The following ATL2 variants were observed in gnomAD, a reference collection of about 807,000 sequenced individuals.
ATL2 encodes atlastin-2.
ATL2 carries 31 observed loss-of-function variants against 73.9 expected under a neutral mutation model. The ratio of observed to expected loss-of-function variants is 0.42; its 90% CI spans 0.32 to 0.57. The LOEUF (loss-of-function observed/expected upper bound fraction) is 0.57, where lower values mean the gene tolerates loss of function less well. Ranked by LOEUF, ATL2 falls within the 20% of genes least tolerant of loss-of-function variation. The pLI, the probability that ATL2 is intolerant of heterozygous loss-of-function variation, is 0.14. For missense variants in ATL2, 738 were observed against 702.6 expected (o/e 1.05, Z -0.57); for synonymous variants, 291 against 237.5 (o/e 1.23, Z -2.07).
At chr2:38,363,674 C>T (rs149686641) in intron 1 of ATL2, among the ~76,000 whole-genome samples, 12 of 152,296 alleles carry the variant, frequency 7.9e-5, no homozygotes, top group African/African-American at 2.9e-4. Context: ...ATTCTCAGGA[C>T]ACCTACTATC....
At chr2:38,326,574 G>A (rs1573490066) in intron 2 of ATL2, among the ~76,000 whole-genome samples, 1 of 152,262 alleles carries the variant, frequency 6.6e-6, no homozygotes, top group South Asian at 2.1e-4. Flanking sequence ...TCCACACTAG[G>A]TATATATTAT....
chr2:38,366,662 A>T (rs376413970), intron 1 of ATL2, among the ~76,000 whole-genome samples: 1 of 152,316 alleles, frequency 6.6e-6, no homozygotes, highest in Non-Finnish European at 1.5e-5. Flanking sequence ...TTCAGAACAT[A>T]TAAGCTTAAC....
chr2:38,334,654 C>T (rs1669200018), intron 2 of ATL2, among the ~76,000 whole-genome samples: 1 of 150,936 alleles, frequency 6.6e-6, no homozygotes, highest in East Asian at 2.0e-4. Flanking sequence ...GCCAAGATCG[C>T]GCCATTGCAC....
intron 5 of ATL2, among the ~76,000 whole-genome samples, chr2:38,314,899 G>C (rs1380328499): frequency 6.6e-6 from 1 of 152,208 alleles, no homozygotes; most frequent in African/African-American, 2.4e-5. Flanking sequence ...GCTTCCAAGT[G>C]TAAATTCATA....
chr2:38,318,023 G>T (rs570426055), intron 4 of ATL2, among the ~76,000 whole-genome samples: 2 of 152,124 alleles, frequency 1.3e-5, no homozygotes, highest in South Asian at 4.1e-4. Flanking sequence ...AGCACAAGGT[G>T]GCATATGCTG....
intron 1 of ATL2, among the ~76,000 whole-genome samples, chr2:38,373,354 C>G (rs767065661): frequency 1.3e-5 from 2 of 152,162 alleles, no homozygotes; most frequent in Non-Finnish European, 1.5e-5. Flanking sequence ...ATCCAGCTAG[C>G]CTCTAAGTGG....
intron 9 of ATL2, among the ~76,000 whole-genome samples, chr2:38,302,334 C>G (rs1314722385): frequency 6.6e-6 from 1 of 151,904 alleles, no homozygotes; most frequent in Non-Finnish European, 1.5e-5. Context: ...TGGCTCACAC[C>G]TGTAATCCCA....
At chr2:38,311,318 G>GA (rs1259873542) in intron 7 of ATL2, among the ~76,000 whole-genome samples, 1 of 151,768 alleles carries the variant, frequency 6.6e-6, no homozygotes, top group Non-Finnish European at 1.5e-5. Context: ...GTATTAGGGG[G>GA]AAAAAAATCT....
intron 2 of ATL2, among the ~76,000 whole-genome samples, chr2:38,332,295 C>T (rs1487839154): frequency 1.3e-5 from 2 of 152,206 alleles, no homozygotes; most frequent in Non-Finnish European, 2.9e-5. Context: ...TAACCTCAAC[C>T]TCCTGGGCTC....
intron 5 of ATL2, among the ~76,000 whole-genome samples, chr2:38,314,992 G>A (rs114731449): frequency 0.035 from 5,390 of 152,262 alleles, 123 homozygotes; most frequent in African/African-American, 0.06. Flanking sequence ...GGCTCACGCC[G>A]GGTAATCCCA....
chr2:38,368,652 G>A (rs960121641), intron 1 of ATL2, among the ~76,000 whole-genome samples: 7 of 151,884 alleles, frequency 4.6e-5, no homozygotes, highest in African/African-American at 1.7e-4. Flanking sequence ...AAACATGAAA[G>A]AAACCAACAC....
At chr2:38,318,332 A>C (rs1668135183) in intron 4 of ATL2, 1 of 380,728 alleles carries the variant, frequency 2.6e-6, no homozygotes, top group East Asian at 4.0e-5. Context: ...CAAAAAAATT[A>C]GCTGGGCATG....
rs1280128267 is a variant in ATL2 at position 38,299,236 on chromosome 2, T to C, written c.1200+20A>G. 19 of 1,496,186 alleles carry C rather than the reference T, an allele frequency of 1.3e-5. No individual in the cohort carries two copies. Among genetic ancestry groups the C allele is most frequent in the Non-Finnish European group, 1.7e-5 (19 of 1,131,960 alleles). The allele number at this position is 1,496,186 out of a possible 1,614,324, so 92.7% of individuals were successfully genotyped here. On this transcript the variant is annotated intron_variant, in intron 11 of 12. Transcript: ENST00000378954. Reference sequence around the variant, plus strand: ...AAAATCTTCTCACTCCAGCATCAAATTTAAATTTTAGGTACAAACCTGTTC... The same window carrying C: ...AAAATCTTCTCACTCCAGCATCAAACTTAAATTTTAGGTACAAACCTGTTC...
intron 2 of ATL2, among the ~76,000 whole-genome samples, chr2:38,334,157 G>C (rs1669167366): frequency 6.6e-6 from 1 of 150,974 alleles, no homozygotes; most frequent in African/African-American, 2.4e-5. Flanking sequence ...AGCCTCCTGA[G>C]TAGCTGAGAT....
intron 1 of ATL2, among the ~76,000 whole-genome samples, chr2:38,343,787 G>T (rs1450686915): frequency 6.6e-6 from 1 of 152,100 alleles, no homozygotes; most frequent in African/African-American, 2.4e-5. Context: ...GGACCCAGTG[G>T]GAGGTAACTG....
intron 1 of ATL2, 148 bp from the exon 2 acceptor site, chr2:38,343,660 C>A: frequency 1.4e-6 from 1 of 724,718 alleles, no homozygotes; most frequent in East Asian, 2.9e-5. Flanking sequence ...ATTTCTCACT[C>A]CCTCTGTGAC....
At chr2:38,314,317 CAT>C (rs1667910646) in intron 6 of ATL2, among the ~76,000 whole-genome samples, 1 of 152,118 alleles carries the variant, frequency 6.6e-6, no homozygotes, top group African/African-American at 2.4e-5. Flanking sequence ...GCATGACTGT[CAT>C]ATATTTCCTA....
chr2:38,305,628 T>C (rs116383100), intron 9 of ATL2, among the ~76,000 whole-genome samples: 1,907 of 152,106 alleles, frequency 0.013, 48 homozygotes, highest in African/African-American at 0.044. Context: ...ACGAGGAATT[T>C]TGGAAACTAT....
chr2:38,337,529 C>G (rs1669439999), intron 2 of ATL2, among the ~76,000 whole-genome samples: 2 of 112,320 alleles, frequency 1.8e-5, no homozygotes, highest in South Asian at 6.8e-4. Context: ...GCAGTTGAGG[C>G]AACTTGAAAA....
Sources: allele counts gnomAD v4.1 joint callset (sites outside exome capture counted in the v4.1 genomes callset), GRCh38; gene constraint gnomAD v4.1.1; transcripts MANE v1.5; gene names NCBI Gene and HGNC (gene_info 2026-07-23, HGNC 2026-07-21).